The following TRIM35 variants were observed in gnomAD, a reference collection of about 807,000 sequenced individuals.
TRIM35 encodes E3 ubiquitin-protein ligase TRIM35.
Under a neutral mutation model 49.1 loss-of-function variants are expected in TRIM35, and 37 were observed. That is an observed-to-expected ratio of 0.75 (90% confidence interval 0.58 to 0.99). The LOEUF (loss-of-function observed/expected upper bound fraction) is 0.99, where lower values mean the gene tolerates loss of function less well. Ranked by LOEUF, TRIM35 falls within the 50% of genes least tolerant of loss-of-function variation. The pLI is 0.00. For missense variants in TRIM35, 648 were observed against 702.7 expected, an observed-to-expected ratio of 0.92 and a Z score of 0.88; for synonymous variants, 302 against 289.3, an observed-to-expected ratio of 1.04 and a Z score of -0.45.
chr8:27,288,585 G>A (rs1802387496), intron 5 of TRIM35, among the ~76,000 whole-genome samples: 1 of 152,156 alleles, frequency 6.6e-6, no homozygotes, highest in African/African-American at 2.4e-5. Context: ...GTTTCAGAGG[G>A]GGCCTGGTCC....
At chr8:27,291,634 A>G (rs528077999) in intron 3 of TRIM35, among the ~76,000 whole-genome samples, 1 of 152,356 alleles carries the variant, frequency 6.6e-6, no homozygotes, top group East Asian at 1.9e-4. Context: ...AATAGCCAAA[A>G]TAGAAACAAC....
At chr8:27,306,842 T>A (rs548576111) in intron 1 of TRIM35, among the ~76,000 whole-genome samples, 2 of 152,326 alleles carry the variant, frequency 1.3e-5, no homozygotes, top group South Asian at 4.1e-4. Flanking sequence ...CAGAAGTATC[T>A]TGGCCAGGAG....
At chr8:27,304,538 G>A (rs926645636) in intron 1 of TRIM35, among the ~76,000 whole-genome samples, 5 of 152,138 alleles carry the variant, frequency 3.3e-5, no homozygotes, top group Non-Finnish European at 7.3e-5. Flanking sequence ...CACTATCCAG[G>A]GTAATAGCTT....
chr8:27,296,004 A>C (rs1417350466), intron 2 of TRIM35, among the ~76,000 whole-genome samples: 1 of 152,204 alleles, frequency 6.6e-6, no homozygotes, highest in Admixed American at 6.5e-5. Flanking sequence ...TTCACAGAAG[A>C]AGCATAAATG....
intron 1 of TRIM35, among the ~76,000 whole-genome samples, chr8:27,309,584 A>T (rs574687687): frequency 2.9e-4 from 44 of 152,220 alleles, no homozygotes; most frequent in Non-Finnish European, 4.8e-4. Flanking sequence ...TCTCCAGTCC[A>T]TGCAGCTTCG....
At chr8:27,305,395 G>A (rs1006417930) in intron 1 of TRIM35, among the ~76,000 whole-genome samples, 4 of 152,218 alleles carry the variant, frequency 2.6e-5, no homozygotes, top group African/African-American at 9.6e-5. Context: ...TCAGTGTGCA[G>A]GGTCTAGTGA....
intron 2 of TRIM35, among the ~76,000 whole-genome samples, chr8:27,295,039 G>C (rs1266014603): frequency 2.0e-5 from 3 of 152,070 alleles, no homozygotes; most frequent in African/African-American, 7.2e-5. Flanking sequence ...GGTCAGGCTG[G>C]TCTCAAACTC....
Position 27,286,161 on chromosome 8 carries a change from T to C in TRIM35, c.*1389A>G. The C allele has an allele frequency of 2.2e-6, 1 of 456,286 alleles. No homozygotes were observed. The allele number at this position is 456,286 out of a possible 1,614,324, so 28.3% of individuals were successfully genotyped here. A position where few individuals can be genotyped will look rare whatever the true frequency, so the allele number is the denominator to read the frequency against. On this transcript the variant is annotated 3_prime_UTR_variant, in exon 6 of 6. Coordinates refer to ENST00000305364, the MANE Select transcript of TRIM35 (RefSeq NM_171982.5). The stretch of plus-strand genomic sequence containing the variant: ...TCCTAGGAAAAAAAAATATTTCCTT[T>C]TATGATGCCACTTCCTGGGACATGA...
chr8:27,299,869 C>A (rs1802648461), intron 1 of TRIM35, among the ~76,000 whole-genome samples: 1 of 152,140 alleles, frequency 6.6e-6, no homozygotes. Context: ...AGGCAGGCAG[C>A]CTCTAAAGTG....
intron 1 of TRIM35, among the ~76,000 whole-genome samples, chr8:27,305,724 T>C (rs1356410946): frequency 6.6e-6 from 1 of 152,138 alleles, no homozygotes; most frequent in Non-Finnish European, 1.5e-5. Context: ...TCCTGCAAGA[T>C]GGATAAGACA....
At chr8:27,301,000 T>G (rs1305287361) in intron 1 of TRIM35, among the ~76,000 whole-genome samples, 1 of 152,094 alleles carries the variant, frequency 6.6e-6, no homozygotes, top group African/African-American at 2.4e-5. Context: ...TATGGGACAA[T>G]AAGGATGGGA....
chr8:27,311,259 C>A lies in TRIM35; in HGVS notation c.-24G>T. 4.1e-6 allele frequency: 6 copies of A among 1,478,996 alleles called. No homozygotes were observed. Among genetic ancestry groups the A allele is most frequent in the Middle Eastern group, 2.3e-4 (1 of 4,348 alleles). 91.6% of individuals were successfully genotyped at this position (1,478,996 alleles called of 1,614,324 possible). Reference sequence around the variant, plus strand: ...ATGGCACGAGCAGCCGGCTCGGGCGCCCGGAACTTTTGCTCCGGCCCCTCC... The same window carrying A: ...ATGGCACGAGCAGCCGGCTCGGGCGACCGGAACTTTTGCTCCGGCCCCTCC... On this transcript the variant is annotated 5_prime_UTR_variant, in exon 1 of 6. Transcript: ENST00000305364.
intron 3 of TRIM35, among the ~76,000 whole-genome samples, chr8:27,293,432 C>G (rs1409984537): frequency 1.3e-5 from 2 of 151,444 alleles, no homozygotes; most frequent in Non-Finnish European, 2.9e-5. Flanking sequence ...AAAGCCAAGG[C>G]ATTATATTTA....
At position 27,298,458 on chromosome 8, in the gene TRIM35, G is replaced by A. The variant is rs778901420; in HGVS notation, c.531+6C>T. On this transcript the variant is annotated splice_donor_region_variant and intron_variant, in intron 2 of 5. Transcript: ENST00000305364. ...ATCTTCCCACTTGGCCCCATCGTTC[G>A]CTCACCTGATTGTGCTTGGCGATGG... 20 of 1,613,752 alleles carry A rather than the reference G, an allele frequency of 1.2e-5. No individual in the cohort carries two copies. Among genetic ancestry groups the A allele is most frequent in the Middle Eastern group, 1.7e-4 (1 of 6,002 alleles).
chr8:27,287,671 TG>T lies in TRIM35; in HGVS notation c.1360del (p.His454ThrfsTer143). 1 of 1,610,272 alleles carries T rather than the reference TG, an allele frequency of 6.2e-7. No homozygotes were observed. The highest frequency in any genetic ancestry group is 8.5e-7 in the Non-Finnish European group (1 of 1,178,552). On this transcript the variant is annotated frameshift_variant, in exon 6 of 6. Coordinates refer to ENST00000305364, the MANE Select transcript of TRIM35 (RefSeq NM_171982.5). LOFTEE classifies it high-confidence loss of function. The surrounding 1 kb of genome is among the most constrained non-coding windows in gnomAD (Gnocchi z 6.0). ...GGGGCGAACCTCCCCAAAGCGGGCG[TG>T]GAAGGTGTACAGGTGGCAGTGGCGC... Reference protein sequence around the residue: ...AERHCHLYTFHARFGEVRPYF... With the variant: ...AERHCHLYTFXARFGEVRPYF...
Position 27,287,338 on chromosome 8 carries a change from G to A in TRIM35, c.*212C>T, listed in dbSNP as rs977715725. On this transcript the variant is annotated 3_prime_UTR_variant, in exon 6 of 6. Coordinates refer to ENST00000305364, the MANE Select transcript of TRIM35 (RefSeq NM_171982.5). The surrounding 1 kb of genome is among the most constrained non-coding windows in gnomAD (Gnocchi z 6.0). Reference sequence around the variant, plus strand: ...GACTCGGGAGAGCCTGGCCAGCGAGGTGCCACCCGAATAGCTCCTGACCAT... The same window carrying A: ...GACTCGGGAGAGCCTGGCCAGCGAGATGCCACCCGAATAGCTCCTGACCAT... 1.6e-5 allele frequency: 9 copies of A among 546,426 alleles called. No individual in the cohort carries two copies. The highest frequency in any genetic ancestry group is 2.9e-5 in the Non-Finnish European group (9 of 315,466). The allele number at this position is 546,426 out of a possible 1,614,324, so 33.8% of individuals were successfully genotyped here. A position where few individuals can be genotyped will look rare whatever the true frequency, so the allele number is the denominator to read the frequency against.
At position 27,311,205 on chromosome 8, in the gene TRIM35, G is replaced by A. The variant is rs768474918; in HGVS notation, c.31C>T (p.Pro11Ser). The A allele has an allele frequency of 1.3e-6, 2 of 1,590,188 alleles. No individual in the cohort carries two copies. Among genetic ancestry groups the A allele is most frequent in the Non-Finnish European group, 1.7e-6 (2 of 1,166,166 alleles). ...AACTCCTCCTTGAAGGAGCGGGAAG[G>A]CCCGGGGGACACGTCGGGACTCCGC... MERSPDVSPGPSRSFKEELLC... is the reference protein window; with the variant it reads MERSPDVSPGSSRSFKEELLC... The change falls in exon 1 of 6, where the codon CCT becomes TCT. Residue 11 changes from proline (P) to serine (S), a missense_variant. Coordinates refer to ENST00000305364, the MANE Select transcript of TRIM35 (RefSeq NM_171982.5).
At chr8:27,295,421 A>G (rs1274019231) in intron 2 of TRIM35, among the ~76,000 whole-genome samples, 1 of 152,212 alleles carries the variant, frequency 6.6e-6, no homozygotes, top group Non-Finnish European at 1.5e-5. Flanking sequence ...TGAAAGTTAA[A>G]TACAGATGCT....
chr8:27,293,959 T>C (rs2130275395), intron 3 of TRIM35, 121 bp downstream of exon 3: 1 of 929,626 alleles, frequency 1.1e-6, no homozygotes, highest in East Asian at 2.5e-5. Context: ...TGTGAGCTCC[T>C]CCAGGCCAGT....
Sources: allele counts gnomAD v4.1 joint callset (sites outside exome capture counted in the v4.1 genomes callset), GRCh38; gene constraint gnomAD v4.1.1; non-coding constraint Gnocchi (gnomAD v3.1); transcripts MANE v1.5; gene names NCBI Gene and HGNC (gene_info 2026-07-23, HGNC 2026-07-21).